The following NDUFAF5 variants were observed in gnomAD, a reference collection of about 807,000 sequenced individuals.
NDUFAF5 encodes the protein arginine-hydroxylase NDUFAF5, mitochondrial.
Under a neutral mutation model 48.9 loss-of-function variants are expected in NDUFAF5, and 34 were observed. The observed-to-expected ratio is 0.70, with a 90% confidence interval of 0.53 to 0.93. NDUFAF5 has a LOEUF of 0.93. Among genes scored for constraint, NDUFAF5 ranks in the 40% least tolerant of loss-of-function variants. The pLI is 0.00. For missense variants in NDUFAF5, 428 were observed against 427.5 expected (o/e 1.00, Z -0.01); for synonymous variants, 153 against 150.6 (o/e 1.02, Z -0.12).
intron 8 of NDUFAF5, chr20:13,813,971 TTG>T (rs1026288301): frequency 1.3e-5 from 2 of 159,396 alleles, no homozygotes; most frequent in African/African-American, 4.8e-5. Context: ...TGAGATACAT[TTG>T]TGTGTGTTAG....
At chr20:13,794,263 T>C (rs1002561765) in intron 4 of NDUFAF5, among the ~76,000 whole-genome samples, 1 of 152,118 alleles carries the variant, frequency 6.6e-6, no homozygotes, top group African/African-American at 2.4e-5. Context: ...GTTGTTTCAC[T>C]AAAACTTTCA....
chr20:13,802,880 A>G (rs1984423122), intron 7 of NDUFAF5, among the ~76,000 whole-genome samples: 1 of 151,984 alleles, frequency 6.6e-6, no homozygotes. Flanking sequence ...TCCTCCCTCC[A>G]CTAACAGTCT....
chr20:13,816,148 C>T (rs997259412), intron 8 of NDUFAF5: 1 of 411,884 alleles, frequency 2.4e-6, no homozygotes, highest in African/African-American at 2.0e-5. Context: ...TTGCTGACAA[C>T]TCACCTGGGG....
Position 13,787,322 on chromosome 20 carries a change from G to T in NDUFAF5, c.233G>T (p.Arg78Leu). Residue 78 changes from arginine to leucine, a missense_variant, in exon 2 of 11, where the codon CGG (arginine) becomes CTG (leucine). Arg to Leu is a moderately radical substitution (Grantham distance 102). Transcript: ENST00000378106. ...CGTGTAATCCTTCAGGTTGGAAGTCGGATCGCAGACCGTGTATATGACATA... is the reference window on the plus strand; with the variant it reads ...CGTGTAATCCTTCAGGTTGGAAGTCTGATCGCAGACCGTGTATATGACATA... ...FDYLKEEVGS[R>L]IADRVYDIPR... is the part of the protein sequence containing the mutation. The T allele has an allele frequency of 6.2e-7, 1 of 1,613,952 alleles. No individual in the cohort carries two copies. The highest frequency in any genetic ancestry group is 8.5e-7 in the Non-Finnish European group (1 of 1,179,934).
At chr20:13,787,378 T>C (rs1272559900) in intron 2 of NDUFAF5, 26 bp downstream of exon 2, 1 of 1,606,864 alleles carries the variant, frequency 6.2e-7, no homozygotes, top group African/African-American at 1.3e-5. Context: ...CATAATACAA[T>C]ACCATCAACT....
At chr20:13,812,814 G>A (rs531390222) in intron 8 of NDUFAF5, among the ~76,000 whole-genome samples, 4 of 152,296 alleles carry the variant, frequency 2.6e-5, no homozygotes, top group South Asian at 4.1e-4. Context: ...TATATTCAGC[G>A]AAATGTATTA....
intron 2 of NDUFAF5, 81 bp from the exon 3 acceptor site, chr20:13,788,508 T>C: frequency 1.8e-6 from 2 of 1,105,246 alleles, no homozygotes; most frequent in South Asian, 2.6e-5. Context: ...TTTACTGGAA[T>C]GATTTTACCT....
intron 7 of NDUFAF5, among the ~76,000 whole-genome samples, chr20:13,807,165 G>T (rs769748761): frequency 6.6e-6 from 1 of 152,026 alleles, no homozygotes; most frequent in African/African-American, 2.4e-5. Context: ...TGCTGCCTCA[G>T]GCTCCCAAGT....
intron 1 of NDUFAF5, among the ~76,000 whole-genome samples, chr20:13,786,569 T>C (rs1981177462): frequency 6.6e-6 from 1 of 152,166 alleles, no homozygotes; most frequent in African/African-American, 2.4e-5. Context: ...GGGAAAAACA[T>C]CTACGCTCCC....
chr20:13,814,201 C>G, intron 8 of NDUFAF5: 1 of 339,658 alleles, frequency 2.9e-6, no homozygotes, highest in Admixed American at 4.1e-5. Context: ...CTTAGCCATT[C>G]TGCCTTGGAA....
intron 6 of NDUFAF5, among the ~76,000 whole-genome samples, chr20:13,799,180 A>G (rs1445030658): frequency 2.0e-5 from 3 of 152,138 alleles, no homozygotes; most frequent in Non-Finnish European, 4.4e-5. Context: ...ATGTATTGGG[A>G]CAGTATTTAG....
In NDUFAF5 at chr20:13,819,806, A is replaced by G. The variant is rs1986858048; in HGVS notation, c.*2596A>G. On this transcript the variant is annotated 3_prime_UTR_variant, in exon 11 of 11. Transcript: ENST00000378106. ...CTTTTCTTACTTGCTGTCAGTTGTC[A>G]ATCTCAACACCTTGACCAAAATGAA... The G allele has an allele frequency of 6.6e-6, 1 of 152,216 alleles. No homozygotes were observed. The highest frequency in any genetic ancestry group is 6.5e-5 in the Admixed American group (1 of 15,284). 9.4% of individuals were successfully genotyped at this position (152,216 alleles called of 1,614,324 possible).
chr20:13,797,197 A>C (rs749257512), intron 5 of NDUFAF5, among the ~76,000 whole-genome samples: 1 of 152,178 alleles, frequency 6.6e-6, no homozygotes, highest in Non-Finnish European at 1.5e-5. Context: ...TTCCTACAAA[A>C]CTAAACATAC....
intron 8 of NDUFAF5, among the ~76,000 whole-genome samples, chr20:13,812,250 A>G (rs1985963876): frequency 6.6e-6 from 1 of 152,184 alleles, no homozygotes; most frequent in Non-Finnish European, 1.5e-5. Flanking sequence ...GCGTAGCTGA[A>G]ATCTTACCAT....
At chr20:13,789,784 T>C (rs1981965725) in intron 3 of NDUFAF5, among the ~76,000 whole-genome samples, 1 of 152,162 alleles carries the variant, frequency 6.6e-6, no homozygotes, top group Non-Finnish European at 1.5e-5. Context: ...CCTCATAAAG[T>C]GGAATTTCTA....
chr20:13,808,721 A>G, intron 7 of NDUFAF5, 121 bp from the exon 8 acceptor site: 1 of 655,366 alleles, frequency 1.5e-6, no homozygotes. Context: ...TATGAAGAAT[A>G]TTGTAAATAT....
intron 3 of NDUFAF5, among the ~76,000 whole-genome samples, chr20:13,790,833 ATCTTTAC>A (rs1239336499): frequency 6.6e-6 from 1 of 152,104 alleles, no homozygotes; most frequent in African/African-American, 2.4e-5. Context: ...CACCTGTCAG[ATCTTTAC>A]TCAGCTGACT....
At chr20:13,816,990 T>C in intron 10 of NDUFAF5, 33 bp downstream of exon 10, 1 of 1,562,240 alleles carries the variant, frequency 6.4e-7, no homozygotes, top group Middle Eastern at 1.7e-4. Context: ...CTTTTCTTAG[T>C]GGGTTCGTGT....
At chr20:13,787,070 T>A in intron 1 of NDUFAF5, 1 of 547,526 alleles carries the variant, frequency 1.8e-6, no homozygotes. Context: ...TATATATGTG[T>A]GTGTGTGTGT....
Sources: allele counts gnomAD v4.1 joint callset (sites outside exome capture counted in the v4.1 genomes callset), GRCh38; gene constraint gnomAD v4.1.1; transcripts MANE v1.5; gene names NCBI Gene and HGNC (gene_info 2026-07-23, HGNC 2026-07-21).